Variants in PARVA observed in about 807,000 individuals in gnomAD.
The protein encoded by PARVA is alpha-parvin.
In PARVA, 25 loss-of-function variants were observed where a neutral mutation model predicts 52.6. That is an observed-to-expected ratio of 0.48 (90% CI 0.35 to 0.66). PARVA has a LOEUF of 0.66. PARVA is among the 30% of genes least tolerant of loss of function. The pLI is 0.01. For missense variants in PARVA, 373 were observed against 450.9 expected (o/e 0.83, Z 1.56); for synonymous variants, 185 against 179.1 (o/e 1.03, Z -0.26).
chr11:12,423,239 C>A lies in PARVA; in HGVS notation c.136+45456C>A, dbSNP rs996899725. Among the ~76,000 whole-genome samples the A allele has an allele frequency of 2.0e-5, 3 of 147,318 alleles. No individual in the cohort carries two copies. In the East Asian group the frequency reaches 6.0e-4, roughly 29 times the overall value. ...GCTTACCCATGCTGGACTGCAGTGG[C>A]GTGAACACAGCTCATTATAGCCTTG... On this transcript the variant is annotated intron_variant, in intron 1 of 12. Coordinates refer to ENST00000334956, the MANE Select transcript of PARVA (RefSeq NM_018222.5).
intron 6 of PARVA, among the ~76,000 whole-genome samples, chr11:12,506,699 T>C (rs1035462778): frequency 3.3e-5 from 5 of 152,232 alleles, no homozygotes; most frequent in Admixed American, 1.3e-4. Context: ...ATGGCATTAA[T>C]GCACATCAGG....
intron 4 of PARVA, among the ~76,000 whole-genome samples, chr11:12,492,576 TTAAAGA>T (rs1228669375): frequency 9.2e-5 from 14 of 152,180 alleles, no homozygotes; most frequent in Non-Finnish European, 1.5e-4. Flanking sequence ...GTTGAATACC[TTAAAGA>T]TAAAGGAGGT....
rs537247147 is a variant in PARVA at position 12,532,450 on chromosome 11, G to A, written c.*4525G>A. Among the ~76,000 whole-genome samples the A allele has an allele frequency of 9.2e-5, 14 of 152,236 alleles. No homozygotes were observed. The East Asian group carries it at 2.5e-3, about 27-fold the overall frequency. ...ATCACAGGATGTATCTGTCCCCTGA[G>A]AAATTTCTAGGATGAGTACTCTGAA... On this transcript the variant is annotated 3_prime_UTR_variant, in exon 13 of 13. Coordinates refer to ENST00000334956, the MANE Select transcript of PARVA (RefSeq NM_018222.5).
intron 6 of PARVA, among the ~76,000 whole-genome samples, chr11:12,505,226 G>A (rs775278906): frequency 7.2e-5 from 11 of 152,182 alleles, no homozygotes; most frequent in Non-Finnish European, 1.6e-4. Flanking sequence ...TAAACATGCA[G>A]CAAAGGAGAG....
chr11:12,522,662 G>A (rs903392407), intron 12 of PARVA, among the ~76,000 whole-genome samples: 28 of 151,858 alleles, frequency 1.8e-4, no homozygotes, highest in Admixed American at 1.6e-3. Context: ...CAGGTGATCC[G>A]CCTGCCTCGG....
chr11:12,378,157 C>G (rs931101095), intron 1 of PARVA, among the ~76,000 whole-genome samples: 8 of 152,054 alleles, frequency 5.3e-5, no homozygotes, highest in African/African-American at 1.9e-4. Flanking sequence ...AGGCCCTGCC[C>G]CGCCCTCTGC....
At chr11:12,451,741 A>G (rs1940626558) in intron 1 of PARVA, among the ~76,000 whole-genome samples, 1 of 152,206 alleles carries the variant, frequency 6.6e-6, no homozygotes, top group Non-Finnish European at 1.5e-5. Context: ...TGCATCCTAT[A>G]GATTAAATGA....
chr11:12,423,945 C>A (rs891241952), intron 1 of PARVA, among the ~76,000 whole-genome samples: 3 of 152,048 alleles, frequency 2.0e-5, no homozygotes, highest in African/African-American at 4.8e-5. Context: ...ATTTATTTTT[C>A]TTTATTAATT....
rs750302735 is a variant in PARVA, at chr11:12,534,057, A to G, written c.*6132A>G. Among the ~76,000 whole-genome samples, 2 of 152,062 alleles carry G rather than the reference A, an allele frequency of 1.3e-5. No homozygotes were observed. Among genetic ancestry groups the G allele is most frequent in the African/African-American group, 2.4e-5 (1 of 41,390 alleles). On this transcript the variant is annotated 3_prime_UTR_variant, in exon 13 of 13. Coordinates refer to ENST00000334956, the MANE Select transcript of PARVA (RefSeq NM_018222.5). The stretch of plus-strand genomic sequence containing the variant: ...GTGGTGCGTGCCTGTAATCCCAGCT[A>G]CTCAGGGGGCTGAGGCAGAAGTATT...
intron 1 of PARVA, among the ~76,000 whole-genome samples, chr11:12,449,298 C>G (rs1219756768): frequency 1.3e-5 from 2 of 152,180 alleles, no homozygotes; most frequent in Admixed American, 6.5e-5. Context: ...GCTGGGATTA[C>G]AGGTGTGCAC....
intron 6 of PARVA, among the ~76,000 whole-genome samples, chr11:12,507,427 G>A (rs539344332): frequency 1.8e-4 from 27 of 152,222 alleles, no homozygotes; most frequent in African/African-American, 5.5e-4. Context: ...TACCTCCTTC[G>A]TCAGCTCCCA....
intron 1 of PARVA, among the ~76,000 whole-genome samples, chr11:12,459,375 A>G (rs1940743315): frequency 6.6e-6 from 1 of 152,078 alleles, no homozygotes; most frequent in Non-Finnish European, 1.5e-5. Context: ...ACTGCACGCC[A>G]GCTTGGGTAA....
At chr11:12,497,675 C>T (rs1020952290) in intron 5 of PARVA, among the ~76,000 whole-genome samples, 1 of 152,120 alleles carries the variant, frequency 6.6e-6, no homozygotes, top group Non-Finnish European at 1.5e-5. Context: ...GAGGGAGACA[C>T]CTGAGGGCAG....
intron 1 of PARVA, among the ~76,000 whole-genome samples, chr11:12,457,309 A>T (rs968978189): frequency 1.3e-5 from 2 of 152,204 alleles, no homozygotes; most frequent in African/African-American, 2.4e-5. Context: ...TTAGGAAAAA[A>T]AAATCAGGGT....
At chr11:12,486,477 G>C (rs998842625) in intron 4 of PARVA, among the ~76,000 whole-genome samples, 1 of 152,032 alleles carries the variant, frequency 6.6e-6, no homozygotes, top group Admixed American at 6.6e-5. Context: ...AGGTTGCAGT[G>C]AGCCGAGATC....
At chr11:12,490,528 A>C (rs113255701) in intron 4 of PARVA, among the ~76,000 whole-genome samples, 13 of 149,378 alleles carry the variant, frequency 8.7e-5, no homozygotes, top group African/African-American at 2.9e-4. Flanking sequence ...AAAAAAAAAA[A>C]AGAGAGAGAG....
intron 1 of PARVA, among the ~76,000 whole-genome samples, chr11:12,382,232 C>T (rs80336901): frequency 2.0e-5 from 3 of 152,158 alleles, no homozygotes; most frequent in East Asian, 1.9e-4. Context: ...GATGGCATCA[C>T]GCACAGTTCT....
chr11:12,392,869 C>A (rs921061471), intron 1 of PARVA, among the ~76,000 whole-genome samples: 7 of 151,864 alleles, frequency 4.6e-5, no homozygotes, highest in Non-Finnish European at 1.0e-4. Context: ...CATTTTTTAA[C>A]CCTGACTGGG....
chr11:12,513,099 A>G, intron 8 of PARVA, 200 bp from the exon 9 acceptor site: 2 of 693,904 alleles, frequency 2.9e-6, no homozygotes, highest in East Asian at 2.7e-5. Flanking sequence ...GGACACAGAC[A>G]CAGGCTCCCA....
Sources: gnomAD v4.1 joint callset for allele counts (sites outside exome capture counted in the v4.1 genomes callset) on GRCh38, gnomAD v4.1.1 for gene constraint, MANE v1.5 for transcripts, NCBI Gene and HGNC (gene_info 2026-07-23, HGNC 2026-07-21) for gene names.